The following CLRN1 variants were observed in gnomAD, a reference collection of about 807,000 sequenced individuals.
CLRN1 encodes clarin-1.
A neutral mutation model predicts 18.7 loss-of-function variants in CLRN1; 15 were observed. The observed-to-expected ratio is 0.80, with a 90% CI of 0.54 to 1.23. The LOEUF (loss-of-function observed/expected upper bound fraction) is 1.23. CLRN1 is among the 50% of genes most tolerant of loss of function. The pLI is 0.00. For missense variants in CLRN1, 311 were observed against 277.5 expected, an observed-to-expected ratio of 1.12 and a Z score of -0.86; for synonymous variants, 104 against 102.9, an observed-to-expected ratio of 1.01 and a Z score of -0.07.
intron 2 of CLRN1, among the ~76,000 whole-genome samples, chr3:150,929,770 T>G (rs1009489448): frequency 3.3e-5 from 5 of 152,214 alleles, no homozygotes; most frequent in African/African-American, 1.2e-4. Context: ...AATTAGGTAT[T>G]TTATTTCAAA....
At chr3:150,951,958 C>T (rs1011565192) in intron 1 of CLRN1, among the ~76,000 whole-genome samples, 4 of 152,156 alleles carry the variant, frequency 2.6e-5, no homozygotes, top group African/African-American at 9.7e-5. Flanking sequence ...CTGGGGATTA[C>T]GATTCGACAT....
At position 150,927,845 on chromosome 3, in the gene CLRN1, A is replaced by G. The variant is rs771130335; in HGVS notation, c.*91T>C. 16 of 1,436,916 alleles carry G rather than the reference A, an allele frequency of 1.1e-5. No individual in the cohort carries two copies. In the Middle Eastern group the frequency reaches 1.9e-3, roughly 168 times the overall value. The allele number at this position is 1,436,916 out of a possible 1,614,324, so 89.0% of individuals were successfully genotyped here. ...ACGAAGGGTCCTGATGCTTTAATAT[A>G]TGCAGACTAAAAGGATATGCAAAAT... On this transcript the variant is annotated 3_prime_UTR_variant, in exon 3 of 3. Transcript: ENST00000327047.
intron 1 of CLRN1, among the ~76,000 whole-genome samples, chr3:150,952,407 G>T (rs1475839932): frequency 6.6e-6 from 1 of 152,164 alleles, no homozygotes. Context: ...TCAGCTGTAG[G>T]CAATGTGCGT....
In CLRN1 at chr3:150,948,503, A is replaced by G. The variant is rs1469657642; in HGVS notation, c.254-6742T>C. ...CGTCTCAAAAAAAAAAAAAAAAAAA[A>G]AAAAAAGAAATGATGAAGAGAATGT... is the stretch of plus-strand genomic sequence containing the variant. On this transcript the variant is annotated intron_variant, in intron 1 of 2. Transcript: ENST00000327047. Among the ~76,000 whole-genome samples, 347 of 149,502 alleles carry G rather than the reference A, an allele frequency of 2.3e-3. 3 individuals carry two copies. Among genetic ancestry groups the G allele is most frequent in the Middle Eastern group, 6.9e-3 (2 of 288 alleles).
At chr3:150,961,676 C>G (rs552007195) in intron 1 of CLRN1, among the ~76,000 whole-genome samples, 1 of 152,152 alleles carries the variant, frequency 6.6e-6, no homozygotes, top group Non-Finnish European at 1.5e-5. Context: ...TATTTGGCCT[C>G]TTGGTGCTCA....
intron 1 of CLRN1, among the ~76,000 whole-genome samples, chr3:150,964,383 A>G (rs772871401): frequency 6.6e-6 from 1 of 152,210 alleles, no homozygotes; most frequent in Non-Finnish European, 1.5e-5. Context: ...TAGAATGGCA[A>G]TCATTAAAAA....
chr3:150,970,066 A>G (rs1715459047), intron 1 of CLRN1, among the ~76,000 whole-genome samples: 1 of 152,204 alleles, frequency 6.6e-6, no homozygotes, highest in South Asian at 2.1e-4. Flanking sequence ...TGGGAAATGA[A>G]TTGTGCACTA....
In CLRN1 at chr3:150,941,664, G is replaced by A. The variant is rs1250588348; in HGVS notation, c.351C>T (p.Ala117=). The change falls in exon 2 of 3, where the codon GCC becomes GCT. Residue 117 remains alanine, a synonymous_variant. Transcript: ENST00000327047. ...TTCCAAAAGCATTGTACATGAAGAA[G>A]GCTGTCCCCACCATGGTTAACACAA... ...ILIVLTMVGT[A]FFMYNAFGKP... 1 of 1,614,040 alleles carries A rather than the reference G, an allele frequency of 6.2e-7. No homozygotes were observed. Among genetic ancestry groups the A allele is most frequent in the Non-Finnish European group, 8.5e-7 (1 of 1,179,948 alleles).
chr3:150,938,110 G>C (rs141427647), intron 2 of CLRN1, among the ~76,000 whole-genome samples: 1 of 152,264 alleles, frequency 6.6e-6, no homozygotes, highest in African/African-American at 2.4e-5. Flanking sequence ...TAGGGAACCT[G>C]AATGTGAGTA....
intron 1 of CLRN1, among the ~76,000 whole-genome samples, chr3:150,966,919 G>A (rs954529105): frequency 6.6e-6 from 1 of 152,152 alleles, no homozygotes; most frequent in Non-Finnish European, 1.5e-5. Flanking sequence ...CGAGCCCCTC[G>A]TTGTATAGAT....
chr3:150,932,378 G>C (rs957050555), intron 2 of CLRN1, among the ~76,000 whole-genome samples: 5 of 152,168 alleles, frequency 3.3e-5, no homozygotes, highest in African/African-American at 1.2e-4. Flanking sequence ...GGTCCTATGG[G>C]TTTGGCTCCT....
chr3:150,955,732 T>C (rs1714706276), intron 1 of CLRN1, among the ~76,000 whole-genome samples: 1 of 152,176 alleles, frequency 6.6e-6, no homozygotes, highest in South Asian at 2.1e-4. Context: ...CTCTTTTTTG[T>C]TTTGTTTTAA....
intron 2 of CLRN1, among the ~76,000 whole-genome samples, chr3:150,932,808 A>G (rs1713233496): frequency 6.6e-6 from 1 of 152,192 alleles, no homozygotes; most frequent in Non-Finnish European, 1.5e-5. Context: ...CTAAAAAGGG[A>G]CAGAGGGACA....
intron 1 of CLRN1, among the ~76,000 whole-genome samples, chr3:150,951,630 G>A (rs957989469): frequency 4.6e-5 from 7 of 152,108 alleles, no homozygotes; most frequent in African/African-American, 7.2e-5. Context: ...CAGTCACCGC[G>A]CCCGGCCTGA....
chr3:150,929,142 A>G (rs534069208), intron 2 of CLRN1, among the ~76,000 whole-genome samples: 2 of 152,284 alleles, frequency 1.3e-5, no homozygotes, highest in South Asian at 4.1e-4. Context: ...TGTTTAGTAC[A>G]CTATTATTAT....
chr3:150,959,760 CTTTCA>C (rs1208611545), intron 1 of CLRN1, among the ~76,000 whole-genome samples: 2 of 152,010 alleles, frequency 1.3e-5, no homozygotes, highest in Non-Finnish European at 2.9e-5. Flanking sequence ...AAATGTATGG[CTTTCA>C]TTTCAGTTGT....
intron 1 of CLRN1, 122 bp from the exon 2 acceptor site, chr3:150,941,883 A>G: frequency 1.1e-6 from 1 of 881,570 alleles, no homozygotes; most frequent in Non-Finnish European, 1.8e-6. Flanking sequence ...TCTGATGAAT[A>G]CATTCTCACT....
chr3:150,947,598 T>C (rs1244378123), intron 1 of CLRN1, among the ~76,000 whole-genome samples: 1 of 152,162 alleles, frequency 6.6e-6, no homozygotes, highest in African/African-American at 2.4e-5. Context: ...CAACAGAATA[T>C]ACATTCTTCT....
In CLRN1 at chr3:150,941,765, A is replaced by C. The variant is rs1713861471; in HGVS notation, c.254-4T>G. 6.2e-7 allele frequency: 1 copy of C among 1,613,610 alleles called. No individual in the cohort carries two copies. The highest frequency in any genetic ancestry group is 8.5e-7 in the Non-Finnish European group (1 of 1,179,704). ...GCTTTGAGCAAATCTGGAAAAACTG[A>C]AGATAAGACAAAACTAGGGTTAGAA... is the stretch of plus-strand genomic sequence containing the variant. On this transcript the variant is annotated splice_polypyrimidine_tract_variant and splice_region_variant and intron_variant, in intron 1 of 2. Coordinates refer to ENST00000327047, the MANE Select transcript of CLRN1 (RefSeq NM_174878.3).
Sources: gnomAD v4.1 joint callset for allele counts (sites outside exome capture counted in the v4.1 genomes callset) on GRCh38, gnomAD v4.1.1 for gene constraint, MANE v1.5 for transcripts, NCBI Gene and HGNC (gene_info 2026-07-23, HGNC 2026-07-21) for gene names.